ECPAS: variants seen among roughly 807,000 people sequenced by gnomAD.
The protein encoded by ECPAS is Ecm29 proteasome adaptor and scaffold.
ECPAS carries 70 observed loss-of-function variants against 255.1 expected under a neutral mutation model. That is an observed-to-expected ratio of 0.27 (90% CI 0.23 to 0.33). ECPAS has a LOEUF of 0.33. ECPAS is among the 10% of genes least tolerant of loss of function. ECPAS has a pLI of 1.00. For missense variants in ECPAS, 1,817 were observed against 2,206.4 expected (o/e 0.82, Z 3.54); for synonymous variants, 784 against 775.0 (o/e 1.01, Z -0.19).
At position 111,399,984 on chromosome 9, in the gene ECPAS, T is replaced by C. The variant is rs568434206; in HGVS notation, c.2653-2831A>G. 4.6e-5 allele frequency among the ~76,000 whole-genome samples: 7 copies of C among 152,376 alleles called. No homozygotes were observed. In the East Asian group the frequency reaches 9.6e-4, roughly 21 times the overall value. On this transcript the variant is annotated intron_variant, in intron 24 of 49. Transcript: ENST00000684092. The stretch of plus-strand genomic sequence containing the variant: ...CATGGGCTTTGGGTGTAACCCAGCA[T>C]GGTGCTAGCTGCTGTGGCCACAGGA...
chr9:111,369,486 G>A (rs1306241656), intron 45 of ECPAS, among the ~76,000 whole-genome samples: 1 of 152,170 alleles, frequency 6.6e-6, no homozygotes, highest in Non-Finnish European at 1.5e-5. Context: ...ACTCAGTAAT[G>A]ATCTAAATCC....
intron 1 of ECPAS, among the ~76,000 whole-genome samples, chr9:111,479,493 T>G (rs891457051): frequency 6.6e-6 from 1 of 151,828 alleles, no homozygotes; most frequent in East Asian, 1.9e-4. Flanking sequence ...CTCGGGAGAC[T>G]GAGGCAGAAG....
At chr9:111,425,392 TA>T in intron 12 of ECPAS, 25 bp downstream of exon 12, 1 of 1,432,104 alleles carries the variant, frequency 7.0e-7, no homozygotes, top group Non-Finnish European at 9.4e-7. Flanking sequence ...AAAATGTTGA[TA>T]AAATTTAAAA....
In ECPAS at chr9:111,383,331, A is replaced by T; in HGVS notation, c.3683T>A (p.Val1228Asp). The T allele has an allele frequency of 6.2e-7, 1 of 1,609,604 alleles. No homozygotes were observed. Among genetic ancestry groups the T allele is most frequent in the Non-Finnish European group, 8.5e-7 (1 of 1,177,836 alleles). The change falls in exon 35 of 50, where the codon GTC (valine) becomes GAC (aspartate). Residue 1228 changes from valine to aspartate, a missense_variant and splice_region_variant. By Grantham distance (152) the Val-to-Asp change is radical. Around this residue, in one of 4 missense-constraint regions of ECPAS, gnomAD observed 960 missense variants for 1,179.0 expected, o/e 0.81. Coordinates refer to ENST00000684092, the MANE Select transcript of ECPAS (RefSeq NM_001364929.1). ...GGCAGGGTCACACATTTTCACACAGACCTCACATACAAAGAGCATGGACGT... is the reference window on the plus strand; with the variant it reads ...GGCAGGGTCACACATTTTCACACAGTCCTCACATACAAAGAGCATGGACGT... ...AELALKTLSK[V>D]CVKMCDPAKG...
chr9:111,423,283 G>T (rs1554791002), intron 12 of ECPAS, 35 bp from the exon 13 acceptor site: 11 of 1,456,860 alleles, frequency 7.6e-6, no homozygotes, highest in Non-Finnish European at 9.3e-6. Context: ...AGAAAAGAAA[G>T]AACAAAAAAC....
At chr9:111,368,897 C>T in intron 46 of ECPAS, 138 bp downstream of exon 46, 1 of 818,678 alleles carries the variant, frequency 1.2e-6, no homozygotes, top group Non-Finnish European at 1.8e-6. Context: ...AGACAAAAAA[C>T]TTTCACTGGA....
chr9:111,471,741 A>G (rs1051695632), intron 2 of ECPAS, among the ~76,000 whole-genome samples: 16 of 152,240 alleles, frequency 1.1e-4, no homozygotes, highest in Non-Finnish European at 2.4e-4. Flanking sequence ...ATCACAATGC[A>G]TGACAAAATG....
intron 2 of ECPAS, among the ~76,000 whole-genome samples, chr9:111,468,652 A>AGC (rs754436684): frequency 1.4e-5 from 2 of 145,222 alleles, no homozygotes; most frequent in East Asian, 4.6e-4. Context: ...AGAGAGAGAG[A>AGC]GCGAGCGTGT....
At chr9:111,434,896 C>CTTTTTTTTTT (rs3031129) in intron 7 of ECPAS, among the ~76,000 whole-genome samples, 3 of 92,154 alleles carry the variant, frequency 3.3e-5, no homozygotes, top group African/African-American at 4.8e-5. Flanking sequence ...CCACATCTGG[C>CTTTTTTTTTT]TTTTTTTTTT....
intron 1 of ECPAS, among the ~76,000 whole-genome samples, chr9:111,475,718 AGAGT>A: frequency 6.6e-6 from 1 of 151,820 alleles, no homozygotes; most frequent in South Asian, 2.1e-4. Context: ...CCTGAGTGAC[AGAGT>A]GAGACTCTAG....
chr9:111,408,497 A>G, intron 24 of ECPAS, 74 bp downstream of exon 24: 1 of 845,132 alleles, frequency 1.2e-6, no homozygotes, highest in South Asian at 2.0e-5. Flanking sequence ...AGCATGCAAA[A>G]CTGCACCTAA....
intron 2 of ECPAS, among the ~76,000 whole-genome samples, chr9:111,470,251 T>A (rs1183377465): frequency 1.3e-5 from 2 of 151,954 alleles, no homozygotes; most frequent in Non-Finnish European, 1.5e-5. Flanking sequence ...AACCCTTGCA[T>A]CTGGATCTAC....
Position 111,425,432 on chromosome 9 carries a change from T to G in ECPAS, c.1201A>C (p.Asn401His). The change falls in exon 12 of 50, where the codon AAT becomes CAT. Residue 401 changes from asparagine (N) to histidine (H), a missense_variant. Asn to His is a moderately conservative substitution (Grantham distance 68). Around this residue, in one of 4 missense-constraint regions of ECPAS, gnomAD observed 573 missense variants for 716.2 expected, o/e 0.80. Transcript: ENST00000684092. ...MLLNGLTKLI[N>H]EYKEDPKLLS... ...AAGTCACTTACCTCTTTGTATTCATTGATTAGCTTGGTGAGGCCATTCAAA... is the reference window on the plus strand; with the variant it reads ...AAGTCACTTACCTCTTTGTATTCATGGATTAGCTTGGTGAGGCCATTCAAA... The G allele has an allele frequency of 6.3e-7, 1 of 1,591,504 alleles. No homozygotes were observed. Among genetic ancestry groups the G allele is most frequent in the Non-Finnish European group, 8.5e-7 (1 of 1,170,808 alleles).
At chr9:111,379,064 C>G (rs2098137151) in intron 35 of ECPAS, among the ~76,000 whole-genome samples, 1 of 152,156 alleles carries the variant, frequency 6.6e-6, no homozygotes, top group Admixed American at 6.5e-5. Context: ...GTATTCTCCA[C>G]CCAGTTCAAC....
intron 22 of ECPAS, 72 bp from the exon 23 acceptor site, chr9:111,410,285 C>G: frequency 7.5e-7 from 1 of 1,326,296 alleles, no homozygotes. Context: ...CAGTGATGTA[C>G]TCAAGGTTTT....
At chr9:111,370,841 T>C (rs2098126468) in intron 43 of ECPAS, 76 bp from the exon 44 acceptor site, 1 of 1,355,540 alleles carries the variant, frequency 7.4e-7, no homozygotes, top group South Asian at 1.3e-5. Flanking sequence ...TGATTACAAT[T>C]ACCTTAGGAA....
Position 111,397,044 on chromosome 9 carries a change from T to G in ECPAS, c.2762A>C (p.Tyr921Ser), listed in dbSNP as rs1406887142. 3 of 1,613,876 alleles carry G rather than the reference T, an allele frequency of 1.9e-6. No homozygotes were observed. The African/African-American group carries it at 4.0e-5, about 22-fold the overall frequency. The change falls in exon 25 of 50, where the codon TAT (tyrosine) becomes TCT (serine). Residue 921 changes from tyrosine (Y) to serine (S), a missense_variant. Tyr to Ser is a moderately radical substitution (Grantham distance 144). This residue lies in a region of ECPAS where 960 missense variants were observed against 1,179.0 expected (regional missense o/e 0.81). Coordinates refer to ENST00000684092, the MANE Select transcript of ECPAS (RefSeq NM_001364929.1). ...ATATTTGGTACCAGCAGGTGGAGTA[T>G]ATTCCTCTTCAGTCATTTGCCAGGC... ...RDAWQMTEEE[Y>S]TPPAGAKVND...
At chr9:111,384,398 A>T in intron 34 of ECPAS, 124 bp downstream of exon 34, 1 of 799,732 alleles carries the variant, frequency 1.3e-6, no homozygotes, top group Non-Finnish European at 2.1e-6. Flanking sequence ...AAGAGCAGTG[A>T]ACTACAACAT....
intron 15 of ECPAS, 85 bp from the exon 16 acceptor site, chr9:111,420,205 G>C: frequency 1.2e-6 from 1 of 839,710 alleles, no homozygotes; most frequent in Non-Finnish European, 2.0e-6. Flanking sequence ...TTCCAATCAA[G>C]ATGAGTCTTC....
Sources: allele counts gnomAD v4.1 joint callset (sites outside exome capture counted in the v4.1 genomes callset), GRCh38; gene constraint gnomAD v4.1.1; regional missense constraint gnomAD v4.1.1; transcripts MANE v1.5; gene names NCBI Gene and HGNC (gene_info 2026-07-23, HGNC 2026-07-21).